The following KLHDC1 variants were observed in gnomAD, a reference collection of about 807,000 sequenced individuals.
The protein encoded by KLHDC1 is kelch domain-containing protein 1.
In KLHDC1, 53 loss-of-function variants were observed where a neutral mutation model predicts 68.3. The observed-to-expected ratio is 0.78, with a 90% CI of 0.62 to 0.98. The LOEUF is 0.98. Ranked by LOEUF, KLHDC1 falls within the 50% of genes least tolerant of loss-of-function variation. The pLI is 0.00. For synonymous variants in KLHDC1, 148 were observed against 159.0 expected (o/e 0.93, Z 0.52); for missense variants, 470 against 492.3 (o/e 0.95, Z 0.43).
chr14:49,706,990 T>G (rs1888065687), intron 1 of KLHDC1, among the ~76,000 whole-genome samples: 1 of 152,238 alleles, frequency 6.6e-6, no homozygotes, highest in African/African-American at 2.4e-5. Context: ...AAACTTGATA[T>G]GATCCCATTT....
chr14:49,727,759 T>C (rs2139755702), intron 6 of KLHDC1, among the ~76,000 whole-genome samples: 1 of 152,336 alleles, frequency 6.6e-6, no homozygotes, highest in East Asian at 1.9e-4. Flanking sequence ...ATAGGTAATA[T>C]CTGAATTATG....
At chr14:49,742,801 A>T (rs1194909100) in intron 11 of KLHDC1, among the ~76,000 whole-genome samples, 6 of 151,980 alleles carry the variant, frequency 3.9e-5, no homozygotes, top group Admixed American at 2.0e-4. Flanking sequence ...AAACAAAAAA[A>T]GTGCCAGGCG....
At chr14:49,711,075 C>T (rs946642719) in intron 4 of KLHDC1, among the ~76,000 whole-genome samples, 9 of 152,192 alleles carry the variant, frequency 5.9e-5, no homozygotes, top group African/African-American at 2.2e-4. Context: ...TCACTGCAAC[C>T]TCTGCCTCCC....
At chr14:49,732,598 T>C in intron 8 of KLHDC1, 106 bp from the exon 9 acceptor site, 1 of 489,586 alleles carries the variant, frequency 2.0e-6, no homozygotes, top group Non-Finnish European at 3.6e-6. Context: ...TAGTAAAAGT[T>C]TTTTGGAGCA....
intron 1 of KLHDC1, 124 bp downstream of exon 1, chr14:49,693,414 C>A (rs1887628338): frequency 3.8e-6 from 2 of 523,612 alleles, no homozygotes; most frequent in East Asian, 8.1e-5. Context: ...GCGCCTGCAG[C>A]CCCCCAGCCC....
intron 1 of KLHDC1, among the ~76,000 whole-genome samples, chr14:49,697,910 G>C (rs564980407): frequency 1.3e-5 from 2 of 152,152 alleles, no homozygotes; most frequent in Non-Finnish European, 2.9e-5. Flanking sequence ...TTTCACCTCA[G>C]GGGCAGCAGA....
At chr14:49,722,165 G>T (rs189785679) in intron 4 of KLHDC1, among the ~76,000 whole-genome samples, 21 of 152,088 alleles carry the variant, frequency 1.4e-4, no homozygotes, top group African/African-American at 4.8e-4. Context: ...TCTAGGGTAC[G>T]TGTGCACAAC....
Position 49,710,311 on chromosome 14 carries a change from A to G in KLHDC1, c.334A>G (p.Lys112Glu), listed in dbSNP as rs1250687912. ...RTRDETYIWEKITDFEGQPPT... is the reference protein window; with the variant it reads ...RTRDETYIWEEITDFEGQPPT... ...AAGAGATGAAACCTACATTTGGGAG[A>G]AAATCACCGACTTTGAAGGGCAACC... The change falls in exon 4 of 13, where the codon AAA (lysine) becomes GAA (glutamate). Residue 112 changes from lysine to glutamate, a missense_variant. Transcript: ENST00000359332. 3 of 1,612,328 alleles carry G rather than the reference A, an allele frequency of 1.9e-6. No homozygotes were observed. The Admixed American group carries it at 5.0e-5, about 27-fold the overall frequency.
At chr14:49,705,361 C>CTTTTT (rs1334189965) in intron 1 of KLHDC1, among the ~76,000 whole-genome samples, 1 of 35,310 alleles carries the variant, frequency 2.8e-5, no homozygotes, top group Non-Finnish European at 6.7e-5. Flanking sequence ...ATATTTCTTT[C>CTTTTT]TTTCTTTTTT....
chr14:49,750,724 A>C (rs1054754185), intron 12 of KLHDC1, among the ~76,000 whole-genome samples: 4 of 152,180 alleles, frequency 2.6e-5, no homozygotes, highest in African/African-American at 9.7e-5. Flanking sequence ...TGTGGTTTTA[A>C]AGTACAAAAT....
At chr14:49,730,960 G>A (rs1321792862) in intron 8 of KLHDC1, among the ~76,000 whole-genome samples, 2 of 151,728 alleles carry the variant, frequency 1.3e-5, no homozygotes, top group East Asian at 3.9e-4. Flanking sequence ...CAATAAGAGT[G>A]AAACTCTGTC....
At chr14:49,709,988 TCTC>T (rs1055738790) in intron 3 of KLHDC1, among the ~76,000 whole-genome samples, 162 bp downstream of exon 3, 8 of 152,292 alleles carry the variant, frequency 5.3e-5, no homozygotes, top group Admixed American at 2.0e-4. Flanking sequence ...GTCCTGCTCT[TCTC>T]TTCTTCTGTG....
rs1265062914 is a variant in KLHDC1, at chr14:49,709,210, G to C, written c.148G>C (p.Asp50His). The change falls in exon 2 of 13, where the codon GAT becomes CAT. Residue 50 changes from aspartate to histidine, a missense_variant. By Grantham distance (81) the Asp-to-His change is moderately conservative. Transcript: ENST00000359332. ...GCCTAATGATGAAATTTGGACCTAT[G>C]ATATTGATAGTGGGTTGTGGTAAGT... ...YLPNDEIWTYDIDSGLWRMHL... is the reference protein window; with the variant it reads ...YLPNDEIWTYHIDSGLWRMHL... 1 of 1,366,770 alleles carries C rather than the reference G, an allele frequency of 7.3e-7. No homozygotes were observed. The highest frequency in any genetic ancestry group is 2.4e-5 in the East Asian group (1 of 41,800). 84.7% of individuals were successfully genotyped at this position (1,366,770 alleles called of 1,614,324 possible). A position where few individuals can be genotyped will look rare whatever the true frequency, so the allele number is the denominator to read the frequency against.
intron 1 of KLHDC1, chr14:49,699,981 G>A: frequency 3.5e-6 from 1 of 286,196 alleles, no homozygotes; most frequent in Non-Finnish European, 6.8e-6. Flanking sequence ...CTAATCATTT[G>A]AACAGTATTA....
At chr14:49,729,034 A>G (rs1403680939) in intron 7 of KLHDC1, 25 bp downstream of exon 7, 4 of 1,472,318 alleles carry the variant, frequency 2.7e-6, no homozygotes, top group East Asian at 2.3e-5. Context: ...TGGAAATGGT[A>G]TTTTTATGTG....
chr14:49,734,611 CA>C lies in KLHDC1; in HGVS notation c.847del (p.Thr283GlnfsTer30), dbSNP rs1265015080. On this transcript the variant is annotated frameshift_variant, in exon 10 of 13. Coordinates refer to ENST00000359332, the MANE Select transcript of KLHDC1 (RefSeq NM_172193.3). LOFTEE classifies it high-confidence loss of function. The part of the protein sequence containing the change: ...PLSDGWIHNV[T>X]TNCWKQLTHL... ...CAGGTGATGGTTGGATTCATAATGT[CA>C]CAACAAATTGTTGGAAACAACTTAC... 1 of 1,595,496 alleles carries C rather than the reference CA, an allele frequency of 6.3e-7. No homozygotes were observed. Among genetic ancestry groups the C allele is most frequent in the Middle Eastern group, 1.7e-4 (1 of 5,998 alleles).
intron 1 of KLHDC1, among the ~76,000 whole-genome samples, 165 bp from the exon 2 acceptor site, chr14:49,708,991 ATCT>A (rs1158342053): frequency 1.3e-5 from 2 of 151,998 alleles, no homozygotes; most frequent in East Asian, 3.9e-4. Context: ...CTCTTAGAAA[ATCT>A]TCTTTCCTTT....
intron 11 of KLHDC1, among the ~76,000 whole-genome samples, chr14:49,741,713 A>G (rs1191769055): frequency 6.6e-6 from 1 of 152,244 alleles, no homozygotes; most frequent in East Asian, 1.9e-4. Context: ...GGTCAGAGGC[A>G]TAAATGAGTA....
At chr14:49,715,268 A>G (rs1888340282) in intron 4 of KLHDC1, among the ~76,000 whole-genome samples, 1 of 150,504 alleles carries the variant, frequency 6.6e-6, no homozygotes, top group Admixed American at 6.6e-5. Context: ...GATTACAGGC[A>G]CACACCACCA....
Sources: allele counts gnomAD v4.1 joint callset (sites outside exome capture counted in the v4.1 genomes callset), GRCh38; gene constraint gnomAD v4.1.1; transcripts MANE v1.5; gene names NCBI Gene and HGNC (gene_info 2026-07-23, HGNC 2026-07-21).